NECTIN3: variants seen among roughly 807,000 people sequenced by gnomAD.
NECTIN3 encodes nectin-3.
NECTIN3 carries 8 observed loss-of-function variants against 49.4 expected under a neutral mutation model. That is an observed-to-expected ratio of 0.16 (90% CI 0.10 to 0.29). The LOEUF (loss-of-function observed/expected upper bound fraction) is 0.29. Among genes scored for constraint, NECTIN3 ranks in the 10% least tolerant of loss-of-function variants. The pLI is 1.00. For synonymous variants in NECTIN3, 277 were observed against 241.1 expected, an observed-to-expected ratio of 1.15 and a Z score of -1.38; for missense variants, 581 against 654.6, an observed-to-expected ratio of 0.89 and a Z score of 1.23.
chr3:111,176,149 G>A lies in NECTIN3; in HGVS notation c.1222-16202G>A, dbSNP rs575614744. Among the ~76,000 whole-genome samples the A allele has an allele frequency of 1.1e-4, 17 of 152,274 alleles. No individual in the cohort carries two copies. The South Asian group carries it at 1.9e-3, about 17-fold the overall frequency. ...GCCATATGAATTACGTGTACATGAA[G>A]AGAAAATAGTTTTCACTGTTCTTGC... On this transcript the variant is annotated intron_variant, in intron 7 of 8. Coordinates refer to the NECTIN3 transcript ENST00000493615.
At chr3:111,118,112 G>A (rs2033765281) in intron 2 of NECTIN3, among the ~76,000 whole-genome samples, 1 of 151,304 alleles carries the variant, frequency 6.6e-6, no homozygotes, top group African/African-American at 2.4e-5. Flanking sequence ...CACTTACTGG[G>A]CCAAGAAAAA....
chr3:111,091,624 A>G (rs971467215), intron 1 of NECTIN3, among the ~76,000 whole-genome samples: 5 of 152,148 alleles, frequency 3.3e-5, no homozygotes, highest in African/African-American at 1.2e-4. Context: ...ATGTTGTTGT[A>G]TATGTCAGTA....
chr3:111,080,011 G>A (rs910422803), intron 1 of NECTIN3, among the ~76,000 whole-genome samples: 5 of 151,834 alleles, frequency 3.3e-5, no homozygotes, highest in African/African-American at 1.2e-4. Context: ...CAGTGCCAAA[G>A]GATTTATAAT....
At chr3:111,150,953 G>A (rs2034988638) in intron 7 of NECTIN3, among the ~76,000 whole-genome samples, 1 of 151,840 alleles carries the variant, frequency 6.6e-6, no homozygotes, top group African/African-American at 2.4e-5. Flanking sequence ...ATTCCTGTAA[G>A]TGAAAGTGCT....
At chr3:111,148,781 G>A (rs979796415) in intron 7 of NECTIN3, among the ~76,000 whole-genome samples, 8 of 151,976 alleles carry the variant, frequency 5.3e-5, no homozygotes, top group African/African-American at 1.7e-4. Flanking sequence ...ACTCTTTGAT[G>A]TGGATAGTAA....
At chr3:111,187,381 T>C (rs901511650), upstream of NECTIN3, among the ~76,000 whole-genome samples, 3 of 152,222 alleles carry the variant, frequency 2.0e-5, no homozygotes, top group African/African-American at 7.2e-5. Context: ...CCAGCCTGGG[T>C]GACAGAGCAA....
At chr3:111,126,148 G>A (rs369456097) in intron 4 of NECTIN3, 36 bp from the exon 5 acceptor site, 89 of 1,440,612 alleles carry the variant, frequency 6.2e-5, no homozygotes, top group Middle Eastern at 2.5e-4. Flanking sequence ...ATAGTCTGAA[G>A]ATATTTAAAA....
Position 111,134,597 on chromosome 3 carries a change from ATGTTTGTTT to A in NECTIN3, c.*383_*391del. The A allele has an allele frequency of 3.2e-6, 3 of 937,054 alleles. No individual in the cohort carries two copies. The South Asian group carries it at 1.5e-4, about 46-fold the overall frequency. 58.0% of individuals were successfully genotyped at this position (937,054 alleles called of 1,614,324 possible). ...ACCTAAGACTATAATCTCAAGTATG[ATGTTTGTTT>A]AACATATACCTCTCAAAATTTATCA... On this transcript the variant is annotated 3_prime_UTR_variant, in exon 6 of 6. Transcript: ENST00000485303.
At chr3:111,187,576 T>C (rs1349933149), upstream of NECTIN3, among the ~76,000 whole-genome samples, 1 of 152,126 alleles carries the variant, frequency 6.6e-6, no homozygotes, top group Admixed American at 6.6e-5. Context: ...TGCAAATGAA[T>C]AAATGAACTA....
At chr3:111,145,079 A>G (rs1401305121) in intron 6 of NECTIN3, 3 of 1,499,434 alleles carry the variant, frequency 2.0e-6, no homozygotes, top group Non-Finnish European at 2.7e-6. Context: ...GAATATCAGT[A>G]TGTGTCCAAT....
At chr3:111,149,287 C>A (rs1282945197) in intron 7 of NECTIN3, among the ~76,000 whole-genome samples, 2 of 151,956 alleles carry the variant, frequency 1.3e-5, no homozygotes, top group African/African-American at 4.8e-5. Context: ...TATCTCTGTT[C>A]TTCTTTCAAA....
intron 1 of NECTIN3, 70 bp from the exon 2 acceptor site, chr3:111,111,960 C>T (rs956213973): frequency 1.2e-4 from 107 of 914,844 alleles, no homozygotes; most frequent in Middle Eastern, 2.3e-4. Context: ...CACAGGGGGT[C>T]AGGAAGGGAG....
At chr3:111,111,421 C>G (rs909908922) in intron 1 of NECTIN3, among the ~76,000 whole-genome samples, 1 of 152,044 alleles carries the variant, frequency 6.6e-6, no homozygotes, top group South Asian at 2.1e-4. Context: ...TCTTTAATGA[C>G]TTTTCAGTAG....
At chr3:111,130,147 G>A (rs1311757058) in intron 5 of NECTIN3, among the ~76,000 whole-genome samples, 2 of 151,856 alleles carry the variant, frequency 1.3e-5, no homozygotes, top group Admixed American at 6.6e-5. Context: ...TAGTAGAGAT[G>A]TGGTTTCACC....
chr3:111,167,058 G>A (rs2035332496), intron 7 of NECTIN3, among the ~76,000 whole-genome samples: 1 of 151,942 alleles, frequency 6.6e-6, no homozygotes, highest in South Asian at 2.1e-4. Context: ...TCAGTTAGAA[G>A]TGAATTTTTG....
At position 111,144,852 on chromosome 3, in the gene NECTIN3, A is replaced by G. The variant is rs1227430045; in HGVS notation, c.1001-47A>G. 5.4e-6 allele frequency: 8 copies of G among 1,494,434 alleles called. No individual in the cohort carries two copies. In the South Asian group the frequency reaches 9.8e-5, roughly 18 times the overall value. 92.6% of individuals were successfully genotyped at this position (1,494,434 alleles called of 1,614,324 possible). A position where few individuals can be genotyped will look rare whatever the true frequency, so the allele number is the denominator to read the frequency against. The stretch of plus-strand genomic sequence containing the variant: ...GTAGAAAAGGTATGCAATTTCAAGA[A>G]TTATTTTTAAGATTATTTGAAAAGC... On this transcript the variant is annotated intron_variant, in intron 5 of 8. Transcript: ENST00000493615.
chr3:111,111,274 G>T (rs147167592), intron 1 of NECTIN3, among the ~76,000 whole-genome samples: 1 of 152,160 alleles, frequency 6.6e-6, no homozygotes, highest in East Asian at 1.9e-4. Flanking sequence ...AAGGAAAAAC[G>T]TATTATATTG....
chr3:111,183,621 G>T, intron 7 of NECTIN3, among the ~76,000 whole-genome samples: 3 of 151,890 alleles, frequency 2.0e-5, no homozygotes, highest in Middle Eastern at 6.8e-3. Flanking sequence ...GCCTATTTTT[G>T]AATATTTTAT....
chr3:111,077,061 T>C (rs2031253329), intron 1 of NECTIN3: 3 of 173,664 alleles, frequency 1.7e-5, no homozygotes, highest in South Asian at 1.2e-4. Flanking sequence ...ATGTAACTTA[T>C]CAATTACAAA....
Sources: allele counts gnomAD v4.1 joint callset (sites outside exome capture counted in the v4.1 genomes callset), GRCh38; gene constraint gnomAD v4.1.1; transcripts MANE v1.5; gene names NCBI Gene and HGNC (gene_info 2026-07-23, HGNC 2026-07-21).